Variants in KCNN2 observed in about 807,000 individuals in gnomAD.
KCNN2 encodes the protein potassium calcium-activated channel subfamily N member 2.
A neutral mutation model predicts 55.5 loss-of-function variants in KCNN2; 24 were observed. The observed-to-expected ratio is 0.43, with a 90% CI of 0.31 to 0.61. KCNN2 has a LOEUF of 0.61. KCNN2 is among the 20% of genes least tolerant of loss of function. The probability of loss-of-function intolerance (pLI) is 0.08; values close to 1 mark genes in which losing one functional copy is unlikely to be tolerated. For missense variants in KCNN2, 754 were observed against 853.6 expected (o/e 0.88, Z 1.45); for synonymous variants, 431 against 336.1 (o/e 1.28, Z -3.09).
chr5:114,230,275 T>TC (rs1398859743), intron 2 of KCNN2, among the ~76,000 whole-genome samples: 31 of 119,194 alleles, frequency 2.6e-4, no homozygotes, highest in South Asian at 1.5e-3. Context: ...TTCTTTTTTT[T>TC]TTTCTTTCTT....
intron 2 of KCNN2, among the ~76,000 whole-genome samples, chr5:114,253,132 C>T (rs866266564): frequency 1.6e-4 from 22 of 140,442 alleles, no homozygotes; most frequent in South Asian, 2.2e-4. Flanking sequence ...TTCTTGCTTT[C>T]TTTTTTTTTT....
intron 2 of KCNN2, among the ~76,000 whole-genome samples, chr5:114,260,791 C>G (rs938526629): frequency 3.3e-5 from 5 of 152,092 alleles, no homozygotes; most frequent in African/African-American, 1.2e-4. Context: ...AGCTAGGTGT[C>G]CATTGGGTGC....
chr5:114,399,096 A>G (rs1580790523), intron 2 of KCNN2, among the ~76,000 whole-genome samples: 1 of 152,196 alleles, frequency 6.6e-6, no homozygotes, highest in African/African-American at 2.4e-5. Context: ...AGGAGTGGTA[A>G]GAGAGGACAT....
chr5:114,317,080 TCCTTCA>T (rs915970783), intron 2 of KCNN2, among the ~76,000 whole-genome samples: 1 of 152,188 alleles, frequency 6.6e-6, no homozygotes, highest in Admixed American at 6.5e-5. Context: ...TTCCTTCAAT[TCCTTCA>T]TCTCTCTTCC....
At chr5:114,059,323 A>T (rs1750277150) in intron 1 of KCNN2, among the ~76,000 whole-genome samples, 1 of 152,226 alleles carries the variant, frequency 6.6e-6, no homozygotes, top group Non-Finnish European at 1.5e-5. Flanking sequence ...TATTATTTTT[A>T]AAATGCTATC....
At chr5:114,215,799 G>C (rs1291133368) in intron 1 of KCNN2, among the ~76,000 whole-genome samples, 1 of 152,016 alleles carries the variant, frequency 6.6e-6, no homozygotes, top group Non-Finnish European at 1.5e-5. Context: ...ATTTTTTGAA[G>C]CTCCTTTTGC....
chr5:114,317,887 C>T (rs1317552801), intron 2 of KCNN2, among the ~76,000 whole-genome samples: 1 of 152,192 alleles, frequency 6.6e-6, no homozygotes, highest in African/African-American at 2.4e-5. Flanking sequence ...CCCATCTTCA[C>T]GGCAGCACAA....
At chr5:114,423,951 A>G (rs1321856654) in intron 3 of KCNN2, among the ~76,000 whole-genome samples, 1 of 152,188 alleles carries the variant, frequency 6.6e-6, no homozygotes, top group African/African-American at 2.4e-5. Context: ...GGGTCAGAGA[A>G]GTATCTGTGT....
intron 3 of KCNN2, among the ~76,000 whole-genome samples, chr5:114,441,462 C>A (rs997325436): frequency 3.9e-5 from 6 of 152,090 alleles, no homozygotes; most frequent in African/African-American, 1.4e-4. Context: ...ATAGAATTAG[C>A]ATCAATGTGT....
At chr5:114,455,264 G>T (rs1274841277) in intron 3 of KCNN2, among the ~76,000 whole-genome samples, 4 of 152,148 alleles carry the variant, frequency 2.6e-5, no homozygotes, top group Non-Finnish European at 5.9e-5. Context: ...GTGTCTTTGT[G>T]TCACATTTTG....
At chr5:114,432,764 C>A (rs1020756856) in intron 3 of KCNN2, among the ~76,000 whole-genome samples, 2 of 152,172 alleles carry the variant, frequency 1.3e-5, no homozygotes, top group African/African-American at 2.4e-5. Flanking sequence ...CTTGGCAGGC[C>A]GCGCACGCCG....
chr5:114,092,608 G>C (rs1221647305), intron 1 of KCNN2, among the ~76,000 whole-genome samples: 1 of 152,144 alleles, frequency 6.6e-6, no homozygotes, highest in African/African-American at 2.4e-5. Flanking sequence ...CTCCATGAGG[G>C]CTCCATCCCT....
At chr5:114,155,297 A>G (rs1232254235) in intron 1 of KCNN2, among the ~76,000 whole-genome samples, 2 of 152,156 alleles carry the variant, frequency 1.3e-5, no homozygotes, top group African/African-American at 4.8e-5. Context: ...ATTGATGGGC[A>G]TTTAGGTTGA....
intron 1 of KCNN2, among the ~76,000 whole-genome samples, chr5:114,193,453 G>C (rs13361794): frequency 6.6e-6 from 1 of 152,134 alleles, no homozygotes; most frequent in East Asian, 1.9e-4. Context: ...CTCAGAGTGA[G>C]AGCCCAAGCC....
At chr5:114,493,790 A>G (rs190525004) in intron 7 of KCNN2, among the ~76,000 whole-genome samples, 209 of 152,280 alleles carry the variant, frequency 1.4e-3, no homozygotes, top group Non-Finnish European at 2.5e-3. Context: ...TCTCATCTCA[A>G]TGAGAGCAGA....
chr5:114,391,011 C>A (rs1048073825), intron 2 of KCNN2, among the ~76,000 whole-genome samples: 1 of 152,072 alleles, frequency 6.6e-6, no homozygotes, highest in East Asian at 1.9e-4. Flanking sequence ...ATCACTGCAT[C>A]CTGGTGGATA....
intron 2 of KCNN2, among the ~76,000 whole-genome samples, chr5:114,254,851 G>A (rs1754950095): frequency 6.6e-6 from 1 of 151,920 alleles, no homozygotes; most frequent in Non-Finnish European, 1.5e-5. Flanking sequence ...AAAAATGATT[G>A]GTAATGTTTT....
intron 1 of KCNN2, among the ~76,000 whole-genome samples, chr5:114,109,145 CT>C (rs1215342333): frequency 1.3e-5 from 2 of 152,020 alleles, no homozygotes; most frequent in Non-Finnish European, 2.9e-5. Flanking sequence ...TGTTTCCAAG[CT>C]TGTAGTCATT....
intron 2 of KCNN2, among the ~76,000 whole-genome samples, chr5:114,327,087 A>G (rs1280861593): frequency 6.6e-6 from 1 of 152,218 alleles, no homozygotes; most frequent in Non-Finnish European, 1.5e-5. Context: ...AAACAAAAAC[A>G]ATGTTTTACA....
Sources: gnomAD v4.1 joint callset for allele counts (sites outside exome capture counted in the v4.1 genomes callset) on GRCh38, gnomAD v4.1.1 for gene constraint, MANE v1.5 for transcripts, NCBI Gene and HGNC (gene_info 2026-07-23, HGNC 2026-07-21) for gene names.